The following PCDH20 variants were observed in gnomAD, a reference collection of about 807,000 sequenced individuals.
The protein encoded by PCDH20 is protocadherin-20.
A neutral mutation model predicts 39.7 loss-of-function variants in PCDH20; 18 were observed. The observed-to-expected ratio is 0.45, with a 90% CI of 0.31 to 0.67. The LOEUF is 0.67. Among genes scored for constraint, PCDH20 ranks in the 30% least tolerant of loss-of-function variants. The pLI is 0.05. For missense variants in PCDH20, 1,161 were observed against 1,167.4 expected (o/e 0.99, Z 0.08); for synonymous variants, 495 against 455.4 (o/e 1.09, Z -1.11).
chr13:61,413,188 G>A (rs1400281782), exon 2 of PCDH20: 3 of 1,614,050 alleles, frequency 1.9e-6, no homozygotes, highest in Non-Finnish European at 2.5e-6. Flanking sequence ...GGTGAGAGTG[G>A]CACTGCCCAA....
chr13:61,413,616 C>A (rs1871466304), exon 2 of PCDH20: 1 of 1,614,090 alleles, frequency 6.2e-7, no homozygotes, highest in South Asian at 1.1e-5. Flanking sequence ...TGCCGCTCCA[C>A]GCAGTCCCTC....
intron 1 of PCDH20, among the ~76,000 whole-genome samples, 161 bp from the exon 2 acceptor site, chr13:61,414,127 A>C (rs1195963338): frequency 1.3e-5 from 2 of 152,028 alleles, no homozygotes; most frequent in South Asian, 2.1e-4. Flanking sequence ...TGCGAAGGAG[A>C]GATCTGTGGG....
exon 2 of PCDH20, chr13:61,412,444 G>T: frequency 6.2e-7 from 1 of 1,614,086 alleles, no homozygotes; most frequent in Non-Finnish European, 8.5e-7. Flanking sequence ...AGTCAAAAAG[G>T]CATTGGGTGA....
chr13:61,413,883 T>C (rs773689921), exon 2 of PCDH20: 3 of 1,613,758 alleles, frequency 1.9e-6, no homozygotes, highest in Admixed American at 3.3e-5. Context: ...GTCCCTCGTT[T>C]AGGCTGTACA....
chr13:61,411,629 C>T, exon 2 of PCDH20: 1 of 1,614,214 alleles, frequency 6.2e-7, no homozygotes, highest in Non-Finnish European at 8.5e-7. Context: ...TGATCACTCA[C>T]TTTCACCAGT....
At chr13:61,410,280 C>A (rs1299991909) in exon 2 of PCDH20, 1 of 152,070 alleles carries the variant, frequency 6.6e-6, no homozygotes, top group Non-Finnish European at 1.5e-5. Flanking sequence ...GAAGAATTCA[C>A]TTTTAATATG....
At position 61,415,515 on chromosome 13, in the gene PCDH20, A is replaced by AAAAT. The variant is rs1216971013; in HGVS notation, c.-361_-358dup. ...GGTTGCTAGCAAGAGAGGGAGAATT[A>AAAAT]AAATAAATAAATAAGCTTGCATTTG... is the stretch of plus-strand genomic sequence containing the variant. On this transcript the variant is annotated 5_prime_UTR_variant, in exon 1 of 2. An upstream open reading frame in the 5' UTR loses its in-frame stop. Transcript: ENST00000409204. 5.4e-6 allele frequency: 1 copy of AAAAT among 185,388 alleles called. No individual in the cohort carries two copies. The highest frequency in any genetic ancestry group is 2.3e-5 in the African/African-American group (1 of 42,838). 11.5% of individuals were successfully genotyped at this position (185,388 alleles called of 1,614,324 possible). A position where few individuals can be genotyped will look rare whatever the true frequency, so the allele number is the denominator to read the frequency against.
At position 61,412,050 on chromosome 13, in the gene PCDH20, A is replaced by T; in HGVS notation, c.2049T>A (p.Asp683Glu). 1.2e-6 allele frequency: 2 copies of T among 1,614,192 alleles called. No individual in the cohort carries two copies. The highest frequency in any genetic ancestry group is 1.3e-5 in the African/African-American group (1 of 75,034). The change falls in exon 2 of 2, where the codon GAT becomes GAA. Residue 683 changes from aspartate (D) to glutamate (E), a missense_variant. Asp to Glu is a conservative substitution (Grantham distance 45). Around this residue, in one of 3 missense-constraint regions of PCDH20, gnomAD observed 754 missense variants for 777.5 expected, o/e 0.97. Coordinates refer to ENST00000409204, the Ensembl canonical transcript of PCDH20. ...CCTTTCCTGTATCTATGACAAAAAT[A>T]TCACTCTGGTTCACCACAGAGAGGG...
At chr13:61,412,747 A>G in exon 2 of PCDH20, 1 of 1,614,136 alleles carries the variant, frequency 6.2e-7, no homozygotes, top group Non-Finnish European at 8.5e-7. Context: ...GAAAAACGCA[A>G]TGGGAGTGTT....
chr13:61,411,623 C>T, exon 2 of PCDH20: 1 of 1,614,150 alleles, frequency 6.2e-7, no homozygotes, highest in South Asian at 1.1e-5. Flanking sequence ...TAACCATGAT[C>T]ACTCACTTTC....
chr13:61,415,441 T>G, exon 1 of PCDH20: 1 of 308,650 alleles, frequency 3.2e-6, no homozygotes, highest in Non-Finnish European at 5.9e-6. Context: ...CAGTAGCGCT[T>G]ACCTACCAGC....
chr13:61,415,298 A>G (rs531784059), exon 1 of PCDH20: 3 of 1,070,848 alleles, frequency 2.8e-6, no homozygotes, highest in South Asian at 5.4e-5. Context: ...AAAGAGTGGC[A>G]GAAAGGCAAG....
chr13:61,415,346 C>T, exon 1 of PCDH20: 1 of 605,444 alleles, frequency 1.7e-6, no homozygotes, highest in Non-Finnish European at 2.4e-6. Context: ...CTGCCCCGGA[C>T]GCAGGTAACT....
exon 2 of PCDH20, chr13:61,412,843 A>C (rs1871431450): frequency 1.2e-6 from 2 of 1,614,046 alleles, no homozygotes; most frequent in Non-Finnish European, 1.7e-6. Context: ...TCTGAAAATA[A>C]CTTTAATAAT....
chr13:61,410,170 T>C (rs889880378), exon 2 of PCDH20: 1 of 152,040 alleles, frequency 6.6e-6, no homozygotes, highest in Non-Finnish European at 1.5e-5. Flanking sequence ...AAGCCAGAAA[T>C]GGTAGTCAAC....
In PCDH20 at chr13:61,411,316, A is replaced by ACTGAAAT; in HGVS notation, c.2782_2783insATTTCAG (p.Val928AspfsTer12). The ACTGAAAT allele has an allele frequency of 1.9e-6, 3 of 1,613,986 alleles. No homozygotes were observed. Among genetic ancestry groups the ACTGAAAT allele is most frequent in the Non-Finnish European group, 2.5e-6 (3 of 1,179,966 alleles). On this transcript the variant is annotated frameshift_variant, in exon 2 of 2. Transcript: ENST00000409204. LOFTEE classifies it high-confidence loss of function. ...AATTTTTCCTTTCAGTGGAATCTGTACTTCCAAATTTTCATCTTCCCTGGG... is the reference window on the plus strand; with the variant it reads ...AATTTTTCCTTTCAGTGGAATCTGTACTGAAATCTTCCAAATTTTCATCTTCCCTGGG...
exon 1 of PCDH20, chr13:61,415,207 G>T (rs1871521648): frequency 7.5e-7 from 1 of 1,324,846 alleles, no homozygotes; most frequent in Admixed American, 3.5e-5. Context: ...GGCGGCAGAA[G>T]ACACTCCCTC....
chr13:61,413,127 T>C, exon 2 of PCDH20: 2 of 1,614,142 alleles, frequency 1.2e-6, no homozygotes, highest in Non-Finnish European at 1.7e-6. Flanking sequence ...TGACATTGAT[T>C]TGTGAGTCTG....
intron 1 of PCDH20, among the ~76,000 whole-genome samples, chr13:61,414,252 A>G (rs1871487426): frequency 6.6e-6 from 1 of 151,832 alleles, no homozygotes; most frequent in Non-Finnish European, 1.5e-5. Context: ...AGAATCCCAA[A>G]CCGTAAAACA....
Sources: gnomAD v4.1 joint callset for allele counts (sites outside exome capture counted in the v4.1 genomes callset) on GRCh38, gnomAD v4.1.1 for gene constraint, gnomAD v4.1.1 regional missense constraint, MANE v1.5 for transcripts, NCBI Gene and HGNC (gene_info 2026-07-23, HGNC 2026-07-21) for gene names.